KCNIP4: variants seen among roughly 807,000 people sequenced by gnomAD.
The protein encoded by KCNIP4 is potassium voltage-gated channel interacting protein 4.
In KCNIP4, 12 loss-of-function variants were observed where a neutral mutation model predicts 34.0. The ratio of observed to expected loss-of-function variants is 0.35; its 90% CI spans 0.23 to 0.57. The LOEUF (loss-of-function observed/expected upper bound fraction) is 0.57, where lower values mean the gene tolerates loss of function less well. Among genes scored for constraint, KCNIP4 ranks in the 20% least tolerant of loss-of-function variants. KCNIP4 has a pLI of 0.83. For missense variants in KCNIP4, 238 were observed against 311.7 expected, an observed-to-expected ratio of 0.76 and a Z score of 1.78; for synonymous variants, 124 against 102.2, an observed-to-expected ratio of 1.21 and a Z score of -1.29.
At chr4:20,737,135 AT>A in intron 5 of KCNIP4, among the ~76,000 whole-genome samples, 1 of 152,322 alleles carries the variant, frequency 6.6e-6, no homozygotes, top group African/African-American at 2.4e-5. Flanking sequence ...GAAGGGTAGA[AT>A]GTCAAGTGAG....
intron 1 of KCNIP4, among the ~76,000 whole-genome samples, chr4:21,598,716 T>G (rs1428417116): frequency 2.6e-5 from 4 of 152,026 alleles, no homozygotes; most frequent in African/African-American, 9.7e-5. Context: ...CTAAAAATGT[T>G]TAACTAAGAA....
intron 1 of KCNIP4, among the ~76,000 whole-genome samples, chr4:21,121,614 C>T (rs1371144049): frequency 6.6e-6 from 1 of 152,204 alleles, no homozygotes; most frequent in Non-Finnish European, 1.5e-5. Context: ...ATCTGTGTGA[C>T]CTTGAGCAAG....
intron 1 of KCNIP4, among the ~76,000 whole-genome samples, chr4:21,833,966 C>T (rs550922819): frequency 0.014 from 2,086 of 151,666 alleles, 39 homozygotes; most frequent in African/African-American, 0.047. Flanking sequence ...TGTTTTGGTA[C>T]CAGTACCATG....
chr4:21,318,424 T>A (rs1227502545), intron 1 of KCNIP4, among the ~76,000 whole-genome samples: 1 of 152,216 alleles, frequency 6.6e-6, no homozygotes, highest in East Asian at 1.9e-4. Context: ...AGAGCCTCTA[T>A]AATTCTACTC....
intron 1 of KCNIP4, among the ~76,000 whole-genome samples, chr4:21,245,769 C>T (rs560010609): frequency 6.6e-6 from 1 of 152,122 alleles, no homozygotes; most frequent in African/African-American, 2.4e-5. Context: ...AATCCTCTAT[C>T]GCTAACAACA....
intron 1 of KCNIP4, among the ~76,000 whole-genome samples, chr4:20,888,522 G>T (rs1725567944): frequency 6.6e-6 from 1 of 152,118 alleles, no homozygotes; most frequent in South Asian, 2.1e-4. Flanking sequence ...GAATGAGGAG[G>T]TGGGACTGAA....
intron 1 of KCNIP4, among the ~76,000 whole-genome samples, chr4:21,158,119 A>G (rs1403971982): frequency 1.3e-5 from 2 of 152,140 alleles, no homozygotes; most frequent in African/African-American, 4.8e-5. Flanking sequence ...AGAAATAGGT[A>G]CTCTAAATAA....
At chr4:21,293,727 A>T (rs1476595957) in intron 1 of KCNIP4, among the ~76,000 whole-genome samples, 1 of 152,228 alleles carries the variant, frequency 6.6e-6, no homozygotes, top group Non-Finnish European at 1.5e-5. Flanking sequence ...GATCTGAAAC[A>T]CATATGATTT....
chr4:21,342,368 A>T (rs1716844511), intron 1 of KCNIP4, among the ~76,000 whole-genome samples: 1 of 152,182 alleles, frequency 6.6e-6, no homozygotes, highest in Non-Finnish European at 1.5e-5. Context: ...CATAGGAAAA[A>T]AAGTTACTTG....
At chr4:21,440,608 G>A (rs957860830) in intron 1 of KCNIP4, among the ~76,000 whole-genome samples, 3 of 152,264 alleles carry the variant, frequency 2.0e-5, no homozygotes, top group Non-Finnish European at 4.4e-5. Flanking sequence ...TCCGCCGGAT[G>A]GAACTGTTCA....
At chr4:21,097,362 T>C (rs540620495) in intron 1 of KCNIP4, among the ~76,000 whole-genome samples, 4 of 152,208 alleles carry the variant, frequency 2.6e-5, no homozygotes, top group South Asian at 2.1e-4. Flanking sequence ...CATACAAAGA[T>C]ATCATTTTTT....
chr4:20,746,460 G>A (rs915965931), intron 5 of KCNIP4, among the ~76,000 whole-genome samples: 5 of 151,720 alleles, frequency 3.3e-5, no homozygotes, highest in Admixed American at 6.6e-5. Context: ...ACCATGGCAC[G>A]TGTATACCTA....
At chr4:21,418,911 G>A (rs941997996) in intron 1 of KCNIP4, among the ~76,000 whole-genome samples, 3 of 152,200 alleles carry the variant, frequency 2.0e-5, no homozygotes, top group African/African-American at 7.2e-5. Flanking sequence ...GAGTGTGGTT[G>A]TAAAGTAGAA....
intron 3 of KCNIP4, among the ~76,000 whole-genome samples, chr4:20,815,818 C>T (rs1218689188): frequency 1.3e-5 from 2 of 152,220 alleles, no homozygotes; most frequent in African/African-American, 4.8e-5. Flanking sequence ...AGCTAGTCAT[C>T]ATTTTCTACG....
intron 1 of KCNIP4, among the ~76,000 whole-genome samples, chr4:21,928,586 T>C (rs1008798155): frequency 6.6e-6 from 1 of 152,122 alleles, no homozygotes; most frequent in Non-Finnish European, 1.5e-5. Flanking sequence ...TAGAAGCTAG[T>C]TGGTGTTTTC....
In KCNIP4 at chr4:20,905,510, T is replaced by TTTC. The variant is rs1491153680; in HGVS notation, c.62-22802_62-22801insGAA. 1.1e-3 allele frequency among the ~76,000 whole-genome samples: 39 copies of TTTC among 35,590 alleles called. 2 individuals carry two copies. The highest frequency in any genetic ancestry group is 3.0e-3 in the African/African-American group (38 of 12,580). 23.3% of individuals were successfully genotyped at this position (35,590 alleles called of 152,430 possible). A position where few individuals can be genotyped will look rare whatever the true frequency, so the allele number is the denominator to read the frequency against. ...CACAGGTAGTTGAACGTTTTCTTTCTTTTTTTTTTTTTTTTGTTTGAGATG... is the reference window on the plus strand; with the variant it reads ...CACAGGTAGTTGAACGTTTTCTTTCTTTCTTTTTTTTTTTTTTTGTTTGAGATG... On this transcript the variant is annotated intron_variant, in intron 1 of 8. Coordinates refer to ENST00000382152, the MANE Select transcript of KCNIP4 (RefSeq NM_025221.6).
chr4:21,312,155 G>A (rs1339491288), intron 1 of KCNIP4, among the ~76,000 whole-genome samples: 1 of 152,196 alleles, frequency 6.6e-6, no homozygotes, highest in African/African-American at 2.4e-5. Flanking sequence ...CATTTGAGCT[G>A]TACATTACCA....
intron 1 of KCNIP4, among the ~76,000 whole-genome samples, chr4:21,535,551 G>A (rs927869821): frequency 1.3e-5 from 2 of 151,980 alleles, no homozygotes; most frequent in African/African-American, 4.8e-5. Context: ...ATTTAAGCTA[G>A]CAACGACAAA....
chr4:21,879,448 C>T (rs138666165), intron 1 of KCNIP4, among the ~76,000 whole-genome samples: 7 of 152,374 alleles, frequency 4.6e-5, no homozygotes, highest in African/African-American at 1.7e-4. Context: ...ATGGCTGCCC[C>T]CTTCAGGCAA....
Sources: allele counts gnomAD v4.1 joint callset (sites outside exome capture counted in the v4.1 genomes callset), GRCh38; gene constraint gnomAD v4.1.1; transcripts MANE v1.5; gene names NCBI Gene and HGNC (gene_info 2026-07-23, HGNC 2026-07-21).